ZNF577: variants seen among roughly 807,000 people sequenced by gnomAD.
The protein encoded by ZNF577 is zinc finger protein 577.
Under a neutral mutation model 13.9 loss-of-function variants are expected in ZNF577, and 14 were observed. The observed-to-expected ratio is 1.00, with a 90% CI of 0.66 to 1.57. The LOEUF (loss-of-function observed/expected upper bound fraction) is 1.57. Ranked by LOEUF, ZNF577 falls within the 40% of genes most tolerant of loss-of-function variation. The pLI is 0.00. For missense variants in ZNF577, 555 were observed against 579.2 expected (o/e 0.96, Z 0.43); for synonymous variants, 203 against 202.9 (o/e 1.00, Z 0.00).
chr19:51,873,739 C>A, intron 5 of ZNF577, 33 bp from the exon 6 acceptor site: 2 of 1,499,466 alleles, frequency 1.3e-6, no homozygotes, highest in Non-Finnish European at 1.8e-6. Flanking sequence ...ACAATGCGAG[C>A]CAAACTTATT....
chr19:51,863,981 T>A (rs933760188), downstream of ZNF577, among the ~76,000 whole-genome samples: 1 of 152,196 alleles, frequency 6.6e-6, no homozygotes, highest in Admixed American at 6.5e-5. Flanking sequence ...TGTAGGAGGA[T>A]CCTGAAAAGA....
intron 9 of ZNF577, among the ~76,000 whole-genome samples, chr19:51,815,287 T>G (rs944016929): frequency 6.6e-6 from 1 of 152,014 alleles, no homozygotes; most frequent in Admixed American, 6.5e-5. Context: ...GTTGGCTGGG[T>G]GCAGTGGCTC....
chr19:51,815,054 C>T (rs944067119), intron 9 of ZNF577, among the ~76,000 whole-genome samples: 2 of 152,136 alleles, frequency 1.3e-5, no homozygotes, highest in African/African-American at 4.8e-5. Flanking sequence ...AAATGATCCG[C>T]CCACCTCGGC....
chr19:51,809,178 T>C (rs180736426), intron 10 of ZNF577, among the ~76,000 whole-genome samples: 184 of 152,340 alleles, frequency 1.2e-3, no homozygotes, highest in African/African-American at 4.1e-3. Flanking sequence ...TATAAGTAAG[T>C]CTCAACCCCA....
intron 10 of ZNF577, among the ~76,000 whole-genome samples, chr19:51,808,929 G>A (rs1034638567): frequency 7.9e-5 from 12 of 152,194 alleles, no homozygotes; most frequent in African/African-American, 2.2e-4. Flanking sequence ...CCACCCACAC[G>A]GGTTTGTCAC....
At position 51,879,349 on chromosome 19, in the gene ZNF577, C is replaced by T. The variant is rs368879097; in HGVS notation, c.61-834G>A. On this transcript the variant is annotated intron_variant, in intron 3 of 5. Transcript: ENST00000638348. ...CTTTGGGAGGCTGAGGCAGGGGGCT[C>T]ATGAGGTCAGGAGTTCGAGACCAGC... Among the ~76,000 whole-genome samples the T allele has an allele frequency of 5.9e-5, 9 of 152,020 alleles. No individual in the cohort carries two copies. In the East Asian group the frequency reaches 1.5e-3, roughly 26 times the overall value.
chr19:51,883,675 C>T (rs187149581), intron 1 of ZNF577, among the ~76,000 whole-genome samples: 24 of 152,072 alleles, frequency 1.6e-4, no homozygotes, highest in Admixed American at 1.5e-3. Flanking sequence ...ACAAGCAAAT[C>T]GAATGCACCC....
In ZNF577 at chr19:51,873,346, T is replaced by A; in HGVS notation, c.644A>T (p.Glu215Val). Residue 215 changes from glutamate (E) to valine (V), a missense_variant, in exon 6 of 6, where the codon GAA (glutamate) becomes GTA (valine). By Grantham distance (121) the Glu-to-Val change is moderately radical. Coordinates refer to ENST00000638348, the MANE Select transcript of ZNF577 (RefSeq NM_001370449.1). Reference protein sequence around the residue: ...QRTHTGEKPHECSECGKAFSR... With the variant: ...QRTHTGEKPHVCSECGKAFSR... ...GAAGGCTTTTCCACATTCACTACAT[T>A]CATGGGGCTTCTCTCCTGTGTGAGT... 1.2e-6 allele frequency: 2 copies of A among 1,614,190 alleles called. No homozygotes were observed. The highest frequency in any genetic ancestry group is 1.7e-6 in the Non-Finnish European group (2 of 1,180,026).
rs2122663214 is a variant in ZNF577, at chr19:51,873,322, A to G, written c.668T>C (p.Phe223Ser). The G allele has an allele frequency of 6.2e-7, 1 of 1,614,074 alleles. No homozygotes were observed. Among genetic ancestry groups the G allele is most frequent in the East Asian group, 2.2e-5 (1 of 44,870 alleles). The change falls in exon 6 of 6, where the codon TTC becomes TCC. Residue 223 changes from phenylalanine (F) to serine (S), a missense_variant. Phe to Ser is a radical substitution (Grantham distance 155). Transcript: ENST00000638348. ...PHECSECGKA[F>S]SRKSQLMVHQ... is the part of the protein sequence containing the mutation. The stretch of plus-strand genomic sequence containing the variant: ...GACCATGAGCTGTGACTTTCTGGAG[A>G]AGGCTTTTCCACATTCACTACATTC...
Position 51,872,688 on chromosome 19 carries a change from G to A in ZNF577, c.1302C>T (p.Gly434=). The A allele has an allele frequency of 6.2e-7, 1 of 1,614,100 alleles. No individual in the cohort carries two copies. Among genetic ancestry groups the A allele is most frequent in the South Asian group, 1.1e-5 (1 of 91,080 alleles). ...PLLNKSERLV[G]RNVVIVEQPF... The stretch of plus-strand genomic sequence containing the variant: ...GTTGTTCCACAATCACTACATTTCT[G>A]CCCACTAGGCGCTCACTCTTGTTTA... Residue 434 remains glycine (G), a synonymous_variant, in exon 6 of 6, where the codon GGC becomes GGT. Coordinates refer to ENST00000638348, the MANE Select transcript of ZNF577 (RefSeq NM_001370449.1).
intron 10 of ZNF577, among the ~76,000 whole-genome samples, chr19:51,806,955 G>A (rs1017608823): frequency 1.3e-5 from 2 of 152,178 alleles, no homozygotes; most frequent in East Asian, 1.9e-4. Flanking sequence ...ACCTAACATC[G>A]GGCGTAGCCA....
At chr19:51,815,247 G>A (rs1054242719) in intron 9 of ZNF577, among the ~76,000 whole-genome samples, 16 of 151,982 alleles carry the variant, frequency 1.1e-4, no homozygotes, top group African/African-American at 3.4e-4. Flanking sequence ...AGGGGAAGTG[G>A]GGACTGGAGA....
In ZNF577 at chr19:51,824,964, C is replaced by T. The variant is rs2084221937; in HGVS notation, c.*600-13290G>A. On this transcript the variant is annotated intron_variant and NMD_transcript_variant, in intron 9 of 10. Transcript: ENST00000638827. This position sits in a 1 kb window ranked among gnomAD's most constrained non-coding sequence, Gnocchi z 4.7. ...CCAAATCTGTAGGGGGTTTTTCCCACAACCAAGCAATAGACACCAGCTGGG... is the reference window on the plus strand; with the variant it reads ...CCAAATCTGTAGGGGGTTTTTCCCATAACCAAGCAATAGACACCAGCTGGG... 1.6e-6 allele frequency: 1 copy of T among 638,256 alleles called. No homozygotes were observed. The highest frequency in any genetic ancestry group is 1.8e-5 in the African/African-American group (1 of 54,422). 39.5% of individuals were successfully genotyped at this position (638,256 alleles called of 1,614,324 possible). A position where few individuals can be genotyped will look rare whatever the true frequency, so the allele number is the denominator to read the frequency against.
At chr19:51,819,218 T>C (rs2084169588) in intron 9 of ZNF577, among the ~76,000 whole-genome samples, 1 of 152,136 alleles carries the variant, frequency 6.6e-6, no homozygotes, top group Non-Finnish European at 1.5e-5. Context: ...GTTTGGGCAA[T>C]GTTGGGTTTG....
chr19:51,871,708 G>A lies in ZNF577; in HGVS notation c.*824C>T, dbSNP rs1474711232. 1 of 152,124 alleles carries A rather than the reference G, an allele frequency of 6.6e-6. No individual in the cohort carries two copies. Among genetic ancestry groups the A allele is most frequent in the Admixed American group, 6.5e-5 (1 of 15,272 alleles). The allele number at this position is 152,124 out of a possible 1,614,324, so 9.4% of individuals were successfully genotyped here. ...ACAAGGGTCCTCAAACATGGAAGAGGGAGACAGAACACTCAAGTGTTTGAG... is the reference window on the plus strand; with the variant it reads ...ACAAGGGTCCTCAAACATGGAAGAGAGAGACAGAACACTCAAGTGTTTGAG... On this transcript the variant is annotated 3_prime_UTR_variant, in exon 6 of 6. Transcript: ENST00000638348.
At chr19:51,879,041 A>G (rs887468359) in intron 3 of ZNF577, among the ~76,000 whole-genome samples, 1 of 151,978 alleles carries the variant, frequency 6.6e-6, no homozygotes, top group Admixed American at 6.6e-5. Context: ...GCAGATCACA[A>G]AGTCGGGAGA....
chr19:51,825,135 A>C (rs1044160549), intron 9 of ZNF577: 1 of 257,526 alleles, frequency 3.9e-6, no homozygotes. Context: ...ACCAGCTTCA[A>C]TCAGGGTTCC....
intron 9 of ZNF577, among the ~76,000 whole-genome samples, chr19:51,833,985 T>C (rs1048224009): frequency 6.6e-6 from 1 of 152,234 alleles, no homozygotes; most frequent in Non-Finnish European, 1.5e-5. Context: ...ATCCATCACC[T>C]AAAACATTTA....
intron 5 of ZNF577, among the ~76,000 whole-genome samples, chr19:51,859,871 T>C (rs1326971552): frequency 6.6e-6 from 1 of 152,120 alleles, no homozygotes; most frequent in Non-Finnish European, 1.5e-5. Flanking sequence ...AAGTAAACAA[T>C]GAAGTTTATA....
Sources: allele counts gnomAD v4.1 joint callset (sites outside exome capture counted in the v4.1 genomes callset), GRCh38; gene constraint gnomAD v4.1.1; non-coding constraint Gnocchi (gnomAD v3.1); transcripts MANE v1.5; gene names NCBI Gene and HGNC (gene_info 2026-07-23, HGNC 2026-07-21).